The following C3orf52 variants were observed in gnomAD, a reference collection of about 807,000 sequenced individuals.
C3orf52 encodes the protein chromosome 3 open reading frame 52.
A neutral mutation model predicts 24.8 loss-of-function variants in C3orf52; 22 were observed. The ratio of observed to expected loss-of-function variants is 0.89; its 90% CI spans 0.63 to 1.27. C3orf52 has a LOEUF of 1.27. Among genes scored for constraint, C3orf52 ranks in the 50% most tolerant of loss-of-function variants. The pLI is 0.00. For missense variants in C3orf52, 265 were observed against 260.7 expected (o/e 1.02, Z -0.11); for synonymous variants, 93 against 100.2 (o/e 0.93, Z 0.43).
At chr3:112,109,152 C>G (rs1473077028) in intron 3 of C3orf52, among the ~76,000 whole-genome samples, 1 of 152,118 alleles carries the variant, frequency 6.6e-6, no homozygotes, top group Non-Finnish European at 1.5e-5. Flanking sequence ...GAAAGAAGCC[C>G]TGGGCTAAGC....
intron 2 of C3orf52, among the ~76,000 whole-genome samples, chr3:112,096,839 C>A (rs1367745979): frequency 6.6e-6 from 1 of 152,176 alleles, no homozygotes; most frequent in African/African-American, 2.4e-5. Context: ...GCCTTCATTG[C>A]CTGTACATGG....
chr3:112,105,152 G>C (rs2074011597), intron 3 of C3orf52, among the ~76,000 whole-genome samples: 1 of 152,232 alleles, frequency 6.6e-6, no homozygotes, highest in Admixed American at 6.5e-5. Flanking sequence ...ATTGATGCCT[G>C]TGGTGGGTCC....
At chr3:112,121,114 A>G (rs1026774731), downstream of C3orf52, 1 of 152,312 alleles carries the variant, frequency 6.6e-6, no homozygotes, top group Non-Finnish European at 1.5e-5. Flanking sequence ...TTGGTTAAAC[A>G]TTTATATTTA....
intron 5 of C3orf52, 105 bp from the exon 6 acceptor site, chr3:112,116,537 A>T: frequency 9.2e-7 from 1 of 1,086,858 alleles, no homozygotes; most frequent in Non-Finnish European, 1.3e-6. Context: ...TTGCAATTTT[A>T]TCTAAGATTT....
intron 2 of C3orf52, among the ~76,000 whole-genome samples, chr3:112,102,360 T>C (rs2073980741): frequency 6.6e-6 from 1 of 152,026 alleles, no homozygotes; most frequent in East Asian, 1.9e-4. Flanking sequence ...ATTTATAAAA[T>C]GTAAATGATT....
chr3:112,116,790 C>T lies in C3orf52; in HGVS notation c.*144C>T, dbSNP rs929160369. ...CAGAGGGGTGGAGACTCCTTTCTCT[C>T]CCGATTCTACAGTCTGGCTCTAAGC... On this transcript the variant is annotated 3_prime_UTR_variant, in exon 6 of 6. Coordinates refer to ENST00000264848, the MANE Select transcript of C3orf52 (RefSeq NM_024616.3). 6.5e-7 allele frequency: 1 copy of T among 1,542,000 alleles called. No individual in the cohort carries two copies. The highest frequency in any genetic ancestry group is 8.7e-7 in the Non-Finnish European group (1 of 1,146,960).
At chr3:112,115,274 G>GGACTCATC (rs2074123878) in intron 5 of C3orf52, among the ~76,000 whole-genome samples, 1 of 152,144 alleles carries the variant, frequency 6.6e-6, no homozygotes, top group African/African-American at 2.4e-5. Flanking sequence ...AGAAGAAGAG[G>GGACTCATC]GACTCATCGC....
Position 112,125,400 on chromosome 3 carries a change from C to T in C3orf52, c.*47-2833C>T, listed in dbSNP as rs1022944315. The T allele has an allele frequency of 1.6e-5, 10 of 643,950 alleles. No homozygotes were observed. In the African/African-American group the frequency reaches 1.6e-4, roughly 11 times the overall value. The allele number at this position is 643,950 out of a possible 1,614,324, so 39.9% of individuals were successfully genotyped here. A position where few individuals can be genotyped will look rare whatever the true frequency, so the allele number is the denominator to read the frequency against. On this transcript the variant is annotated intron_variant, in intron 4 of 4. Coordinates refer to the C3orf52 transcript ENST00000480282. The stretch of plus-strand genomic sequence containing the variant: ...GGCTATTCTGATCTACAGCACATCC[C>T]TGGGGAGTGACAGGACATCTAAACA...
chr3:112,114,735 C>A (rs116651666), intron 5 of C3orf52, among the ~76,000 whole-genome samples: 238 of 152,230 alleles, frequency 1.6e-3, no homozygotes, highest in African/African-American at 5.4e-3. Context: ...AACCTTCAGC[C>A]TCCTCCCATG....
chr3:112,133,179 G>A, downstream of C3orf52: 3 of 1,572,442 alleles, frequency 1.9e-6, no homozygotes, highest in Non-Finnish European at 1.8e-6. Context: ...CTTGCCTTGT[G>A]CTCTGACAGG....
downstream of C3orf52, chr3:112,132,863 G>T: frequency 2.0e-6 from 1 of 500,070 alleles, no homozygotes; most frequent in Non-Finnish European, 3.4e-6. Flanking sequence ...CCACCTTTCA[G>T]CTATTCTCCA....
chr3:112,097,793 C>T (rs1277923113), intron 2 of C3orf52, among the ~76,000 whole-genome samples: 1 of 152,196 alleles, frequency 6.6e-6, no homozygotes, highest in African/African-American at 2.4e-5. Context: ...GACACCCTTA[C>T]CTGTGGTCTC....
chr3:112,121,399 T>C (rs1280484816), downstream of C3orf52: 1 of 152,236 alleles, frequency 6.6e-6, no homozygotes, highest in Non-Finnish European at 1.5e-5. Flanking sequence ...CTATGCTCTT[T>C]GATATCATTT....
chr3:112,106,491 A>G (rs1453598352), intron 3 of C3orf52, among the ~76,000 whole-genome samples: 1 of 152,152 alleles, frequency 6.6e-6, no homozygotes, highest in East Asian at 1.9e-4. Context: ...TCAGAAATAA[A>G]GACACTCCTA....
intron 5 of C3orf52, among the ~76,000 whole-genome samples, chr3:112,114,910 A>G (rs1027779389): frequency 6.6e-6 from 1 of 152,160 alleles, no homozygotes; most frequent in Non-Finnish European, 1.5e-5. Flanking sequence ...TGAGAGGTTC[A>G]AATAGTACAG....
chr3:112,110,810 G>A (rs2074073010), intron 4 of C3orf52, among the ~76,000 whole-genome samples: 1 of 152,182 alleles, frequency 6.6e-6, no homozygotes, highest in Admixed American at 6.5e-5. Context: ...AGACCTGGGA[G>A]GGGAGGCACA....
chr3:112,109,252 C>A (rs1400806954), intron 3 of C3orf52, among the ~76,000 whole-genome samples: 2 of 152,164 alleles, frequency 1.3e-5, no homozygotes, highest in Non-Finnish European at 2.9e-5. Context: ...TCTGTGAGGC[C>A]TGTGTGGGCT....
chr3:112,095,555 A>G (rs1576136532), intron 2 of C3orf52, among the ~76,000 whole-genome samples: 1 of 152,220 alleles, frequency 6.6e-6, no homozygotes, highest in South Asian at 2.1e-4. Context: ...TTCCTTCCAC[A>G]GTTTTTCTGG....
chr3:112,091,218 G>A (rs1006020896), intron 1 of C3orf52, among the ~76,000 whole-genome samples: 1 of 152,132 alleles, frequency 6.6e-6, no homozygotes, highest in Non-Finnish European at 1.5e-5. Context: ...CAACTAAACA[G>A]CCCACAATCG....
Sources: allele counts gnomAD v4.1 joint callset (sites outside exome capture counted in the v4.1 genomes callset), GRCh38; gene constraint gnomAD v4.1.1; transcripts MANE v1.5; gene names NCBI Gene and HGNC (gene_info 2026-07-23, HGNC 2026-07-21).